Variants in C1orf185 observed in about 807,000 individuals in gnomAD.
The protein encoded by C1orf185 is uncharacterized protein C1orf185.
C1orf185 carries 13 observed loss-of-function variants against 16.1 expected under a neutral mutation model. The observed-to-expected ratio is 0.81, with a 90% CI of 0.53 to 1.28. The LOEUF (loss-of-function observed/expected upper bound fraction) is 1.28. Ranked by LOEUF, C1orf185 falls within the 50% of genes most tolerant of loss-of-function variation. C1orf185 has a pLI of 0.00. For missense variants in C1orf185, 220 were observed against 225.2 expected (o/e 0.98, Z 0.15); for synonymous variants, 80 against 76.9 (o/e 1.04, Z -0.21).
At chr1:51,111,629 C>T (rs1570290691) in intron 1 of C1orf185, among the ~76,000 whole-genome samples, 1 of 152,084 alleles carries the variant, frequency 6.6e-6, no homozygotes, top group East Asian at 1.9e-4. Context: ...CAGTGATTCT[C>T]CTGCCTCAGC....
In C1orf185 at chr1:51,121,784, A is replaced by G. The variant is rs897317963; in HGVS notation, c.258+2983A>G. Among the ~76,000 whole-genome samples the G allele has an allele frequency of 4.6e-5, 7 of 152,262 alleles. No individual in the cohort carries two copies. In the South Asian group the frequency reaches 1.0e-3, roughly 23 times the overall value. On this transcript the variant is annotated intron_variant, in intron 3 of 4. Coordinates refer to ENST00000371759, the MANE Select transcript of C1orf185 (RefSeq NM_001136508.2). ...GACATACATACAGAAGAATACATAT[A>G]CACATACACATGAAATTTAAATAAT...
At chr1:51,104,902 T>C (rs1646057579) in intron 1 of C1orf185, among the ~76,000 whole-genome samples, 1 of 152,148 alleles carries the variant, frequency 6.6e-6, no homozygotes, top group African/African-American at 2.4e-5. Flanking sequence ...AACATATATG[T>C]TTAAATGACT....
At chr1:51,145,579 G>T in intron 3 of C1orf185, 145 bp from the exon 4 acceptor site, 1 of 398,252 alleles carries the variant, frequency 2.5e-6, no homozygotes, top group Non-Finnish European at 4.4e-6. Flanking sequence ...ATATATTTTG[G>T]TGAAAGAAAT....
chr1:51,133,658 A>T (rs1366299724), intron 3 of C1orf185, among the ~76,000 whole-genome samples: 1 of 152,200 alleles, frequency 6.6e-6, no homozygotes, highest in Non-Finnish European at 1.5e-5. Context: ...GGGACAGAAA[A>T]TTAACAAAGA....
chr1:51,124,325 G>A (rs759261917), intron 3 of C1orf185, among the ~76,000 whole-genome samples: 12 of 152,120 alleles, frequency 7.9e-5, no homozygotes, highest in Non-Finnish European at 1.8e-4. Flanking sequence ...CAAGTGATCC[G>A]CCCACCTTGG....
intron 3 of C1orf185, among the ~76,000 whole-genome samples, chr1:51,145,220 G>C (rs12145041): frequency 1.3e-5 from 2 of 151,748 alleles, no homozygotes; most frequent in Non-Finnish European, 2.9e-5. Flanking sequence ...CAGGAAGATC[G>C]CTTGAGCCCA....
At chr1:51,151,598 C>T (rs1646429596), downstream of C1orf185, among the ~76,000 whole-genome samples, 1 of 152,258 alleles carries the variant, frequency 6.6e-6, no homozygotes, top group East Asian at 1.9e-4. Flanking sequence ...GCCTCAGCAG[C>T]GACTGCCTTT....
At chr1:51,135,474 G>T (rs548003037) in intron 3 of C1orf185, among the ~76,000 whole-genome samples, 1 of 151,610 alleles carries the variant, frequency 6.6e-6, no homozygotes, top group Non-Finnish European at 1.5e-5. Flanking sequence ...GGAAGGCGGA[G>T]GTTGCAGTGA....
At chr1:51,130,029 A>G (rs1160134646) in intron 3 of C1orf185, among the ~76,000 whole-genome samples, 2 of 152,184 alleles carry the variant, frequency 1.3e-5, no homozygotes, top group Middle Eastern at 3.2e-3. Context: ...TGAGTAGTAT[A>G]ACATTGTGTG....
intron 2 of C1orf185, among the ~76,000 whole-genome samples, chr1:51,115,394 A>G (rs1646150658): frequency 6.6e-6 from 1 of 152,120 alleles, no homozygotes; most frequent in Admixed American, 6.5e-5. Flanking sequence ...TCCATAGTTC[A>G]TTGTTTTATT....
chr1:51,137,254 T>C (rs1044410117), intron 3 of C1orf185, among the ~76,000 whole-genome samples: 1 of 151,992 alleles, frequency 6.6e-6, no homozygotes, highest in East Asian at 1.9e-4. Context: ...AAATCAAAGC[T>C]AGACATGGTG....
chr1:51,110,687 G>C (rs1017421951), intron 1 of C1orf185, among the ~76,000 whole-genome samples: 1 of 152,064 alleles, frequency 6.6e-6, no homozygotes, highest in African/African-American at 2.4e-5. Context: ...TTTCTTTCTC[G>C]GCTGAGCGTG....
chr1:51,134,952 T>C (rs1646312383), intron 3 of C1orf185, among the ~76,000 whole-genome samples: 1 of 151,772 alleles, frequency 6.6e-6, no homozygotes, highest in African/African-American at 2.4e-5. Context: ...CTGCTGAAAC[T>C]ATTCAAAAAA....
chr1:51,141,527 C>A (rs1048872616), intron 3 of C1orf185, among the ~76,000 whole-genome samples: 7 of 152,028 alleles, frequency 4.6e-5, no homozygotes, highest in African/African-American at 1.7e-4. Flanking sequence ...TTATAATTAG[C>A]CCTGAGGTAC....
intron 1 of C1orf185, among the ~76,000 whole-genome samples, chr1:51,107,046 C>A (rs1225777688): frequency 6.6e-6 from 1 of 152,144 alleles, no homozygotes; most frequent in Admixed American, 6.5e-5. Flanking sequence ...CGTGAGCCAC[C>A]GCGCCTGGCC....
At chr1:51,127,885 G>GTTTTTTTTTTTTTT (rs769457494) in intron 3 of C1orf185, among the ~76,000 whole-genome samples, 1 of 115,326 alleles carries the variant, frequency 8.7e-6, no homozygotes, top group Non-Finnish European at 1.8e-5. Flanking sequence ...TCTTTTCTTT[G>GTTTTTTTTTTTTTT]TTTTTTTTTT....
intron 2 of C1orf185, 91 bp downstream of exon 2, chr1:51,112,660 T>A (rs1646130014): frequency 5.2e-6 from 6 of 1,143,126 alleles, no homozygotes; most frequent in Non-Finnish European, 7.3e-6. Flanking sequence ...TAAATAACTA[T>A]GATAGTATTG....
intron 3 of C1orf185, among the ~76,000 whole-genome samples, chr1:51,136,665 A>C (rs1646327418): frequency 6.6e-6 from 1 of 152,226 alleles, no homozygotes; most frequent in African/African-American, 2.4e-5. Context: ...AGAATTCCCT[A>C]TTCAGTAAAT....
intron 1 of C1orf185, among the ~76,000 whole-genome samples, chr1:51,111,315 A>G (rs1039639146): frequency 3.3e-5 from 5 of 150,348 alleles, no homozygotes; most frequent in African/African-American, 1.2e-4. Flanking sequence ...GGTTTTTCCA[A>G]TTGTAAAATT....
Sources: gnomAD v4.1 joint callset for allele counts (sites outside exome capture counted in the v4.1 genomes callset) on GRCh38, gnomAD v4.1.1 for gene constraint, MANE v1.5 for transcripts, NCBI Gene and HGNC (gene_info 2026-07-23, HGNC 2026-07-21) for gene names.